Variants in PARP14 observed in about 807,000 individuals in gnomAD.
PARP14 encodes the protein poly(ADP-ribose) polymerase family member 14.
PARP14 carries 59 observed loss-of-function variants against 154.2 expected under a neutral mutation model. The ratio of observed to expected loss-of-function variants is 0.38; its 90% CI spans 0.31 to 0.48. The LOEUF (loss-of-function observed/expected upper bound fraction) is 0.48. PARP14 is among the 20% of genes least tolerant of loss of function. The pLI is 0.98. For missense variants in PARP14, 1,734 were observed against 2,131.6 expected (o/e 0.81, Z 3.67); for synonymous variants, 720 against 780.5 (o/e 0.92, Z 1.29).
rs377536937 is a variant in PARP14, at chr3:122,714,350, C to G, written c.3921C>G (p.Val1307=). ...NIIHVIGGND[V]KSSVSSVLQE... Reference sequence around the variant, plus strand: ...TTCATGTAATTGGTGGAAATGATGTCAAGAGTTCAGTTTCCTCTGTTTTGC... The same window carrying G: ...TTCATGTAATTGGTGGAAATGATGTGAAGAGTTCAGTTTCCTCTGTTTTGC... The change falls in exon 12 of 17, where the codon GTC becomes GTG. Residue 1307 remains valine, a synonymous_variant. Coordinates refer to ENST00000474629, the MANE Select transcript of PARP14 (RefSeq NM_017554.3). 29 of 1,585,974 alleles carry G rather than the reference C, an allele frequency of 1.8e-5. No individual in the cohort carries two copies. Among genetic ancestry groups the G allele is most frequent in the Non-Finnish European group, 2.4e-5 (28 of 1,171,370 alleles).
At chr3:122,695,842 A>G (rs1938755110) in intron 5 of PARP14, among the ~76,000 whole-genome samples, 180 bp downstream of exon 5, 1 of 152,224 alleles carries the variant, frequency 6.6e-6, no homozygotes, top group Non-Finnish European at 1.5e-5. Flanking sequence ...TTCAGACTTT[A>G]GAGAAGCAAA....
chr3:122,683,117 A>G (rs1406622495), intron 1 of PARP14, among the ~76,000 whole-genome samples: 1 of 152,166 alleles, frequency 6.6e-6, no homozygotes. Context: ...GAAACCTAGT[A>G]TGGTCTAAGT....
chr3:122,704,054 C>T (rs10934612), intron 7 of PARP14, 76 bp downstream of exon 7: 32,236 of 930,792 alleles, frequency 0.035, 941 homozygotes, highest in Admixed American at 0.12. Context: ...ATTAATTGGA[C>T]ATAGATTGGG....
chr3:122,708,842 C>T (rs1939238290), intron 9 of PARP14, among the ~76,000 whole-genome samples: 1 of 152,076 alleles, frequency 6.6e-6, no homozygotes, highest in South Asian at 2.1e-4. Flanking sequence ...TCCCACTCAT[C>T]TTTTTTCTCT....
rs1229174044 is a variant in PARP14 at position 122,699,941 on chromosome 3, G to A, written c.1387G>A (p.Glu463Lys). The change falls in exon 6 of 17, where the codon GAA becomes AAA. Residue 463 changes from glutamate to lysine, a missense_variant. By Grantham distance (56) the Glu-to-Lys change is moderately conservative. Coordinates refer to ENST00000474629, the MANE Select transcript of PARP14 (RefSeq NM_017554.3). ...AAGCACTACTCAAAAAATTAAAAGG[G>A]AAGAGCAAAGTTTGAAGGAAAAAAT... ...IESTTQKIKR[E>K]EQSLKEKMII... 2 of 1,613,802 alleles carry A rather than the reference G, an allele frequency of 1.2e-6. No homozygotes were observed. Among genetic ancestry groups the A allele is most frequent in the East Asian group, 2.2e-5 (1 of 44,886 alleles).
chr3:122,704,795 G>A (rs1939099783), intron 8 of PARP14, 47 bp downstream of exon 8: 1 of 1,057,636 alleles, frequency 9.5e-7, no homozygotes, highest in Non-Finnish European at 1.4e-6. Context: ...GAGACCTAGT[G>A]TTTTTTCAAA....
At chr3:122,695,044 A>T (rs984595999) in intron 4 of PARP14, among the ~76,000 whole-genome samples, 7 of 152,230 alleles carry the variant, frequency 4.6e-5, no homozygotes, top group Non-Finnish European at 8.8e-5. Flanking sequence ...GTTTCGAGTC[A>T]CATCACCAAG....
In PARP14 at chr3:122,701,349, G is replaced by A. The variant is rs377067966; in HGVS notation, c.2795G>A (p.Arg932Gln). ...GGAGTCTTTGGCTTTCCCTTAGGCC[G>A]ATGCGTGGAGACCATTGTTTCTGCC... ...SSGVFGFPLG[R>Q]CVETIVSAIK... is the part of the protein sequence containing the mutation. The change falls in exon 6 of 17, where the codon CGA becomes CAA. Residue 932 changes from arginine to glutamine, a missense_variant. Arg to Gln is a conservative substitution (Grantham distance 43). Transcript: ENST00000474629. The surrounding 1 kb of genome is among the most constrained non-coding windows in gnomAD (Gnocchi z 4.0). The A allele has an allele frequency of 1.9e-5, 30 of 1,613,902 alleles. No homozygotes were observed. In the Middle Eastern group the frequency reaches 4.9e-4, roughly 27 times the overall value.
chr3:122,700,923 A>G lies in PARP14; in HGVS notation c.2369A>G (p.Gln790Arg), dbSNP rs750739249. Reference sequence around the variant, plus strand: ...AAGGAGGGAGGCAGCCCCGCTGGGCAGAAGTGCTTCTCTCGGACAGTCTTG... The same window carrying G: ...AAGGAGGGAGGCAGCCCCGCTGGGCGGAAGTGCTTCTCTCGGACAGTCTTG... ...VMKEGGSPAG[Q>R]KCFSRTVLAP... Residue 790 changes from glutamine (Q) to arginine (R), a missense_variant, in exon 6 of 17, where the codon CAG becomes CGG. This residue lies in a region of PARP14 where 1,646 missense variants were observed against 1,976.0 expected (regional missense o/e 0.83). Transcript: ENST00000474629. 1.9e-6 allele frequency: 3 copies of G among 1,613,848 alleles called. No individual in the cohort carries two copies. Among genetic ancestry groups the G allele is most frequent in the South Asian group, 1.1e-5 (1 of 91,072 alleles).
At chr3:122,685,755 A>G (rs1239304766) in intron 2 of PARP14, among the ~76,000 whole-genome samples, 1 of 151,904 alleles carries the variant, frequency 6.6e-6, no homozygotes, top group Non-Finnish European at 1.5e-5. Context: ...TGATCGGCCC[A>G]CCTAGGCCTC....
intron 3 of PARP14, among the ~76,000 whole-genome samples, chr3:122,691,725 C>G (rs1258584065): frequency 6.6e-6 from 1 of 152,016 alleles, no homozygotes; most frequent in African/African-American, 2.4e-5. Context: ...TTTTGAGAAG[C>G]TTTGTTGAAT....
In PARP14 at chr3:122,695,638, CTGAT is replaced by C; in HGVS notation, c.815_818del (p.Ile272AsnfsTer8). ...ATATTTTCCTGAAGAGAGTTCAGCT[CTGAT>C]TGAATTTTTTGACAGAAAAGGTAAT... On this transcript the variant is annotated frameshift_variant, in exon 5 of 17. Coordinates refer to ENST00000474629, the MANE Select transcript of PARP14 (RefSeq NM_017554.3). LOFTEE classifies it high-confidence loss of function. The C allele has an allele frequency of 6.3e-7, 1 of 1,585,672 alleles. No individual in the cohort carries two copies. Among genetic ancestry groups the C allele is most frequent in the Non-Finnish European group, 8.7e-7 (1 of 1,155,546 alleles).
At chr3:122,723,823 T>C (rs765028879) in intron 15 of PARP14, among the ~76,000 whole-genome samples, 1 of 152,222 alleles carries the variant, frequency 6.6e-6, no homozygotes, top group Non-Finnish European at 1.5e-5. Context: ...TCACTTCCAT[T>C]GATGATCCTT....
At chr3:122,727,155 C>A (rs552155217) in intron 15 of PARP14, among the ~76,000 whole-genome samples, 1 of 152,200 alleles carries the variant, frequency 6.6e-6, no homozygotes, top group South Asian at 2.1e-4. Flanking sequence ...CCTCGGTCTT[C>A]CCAGGACAGC....
intron 4 of PARP14, 63 bp downstream of exon 4, chr3:122,692,606 C>G: frequency 7.2e-7 from 1 of 1,387,930 alleles, no homozygotes; most frequent in Admixed American, 2.1e-5. Context: ...ACTTGAGATA[C>G]CTCTTAGGGG....
chr3:122,720,111 A>G (rs1377398877), intron 14 of PARP14, 144 bp from the exon 15 acceptor site: 2 of 785,104 alleles, frequency 2.5e-6, no homozygotes, highest in African/African-American at 3.5e-5. Flanking sequence ...TCTGTTGTTC[A>G]TGCTTTGAAA....
Position 122,680,870 on chromosome 3 carries a change from G to A in PARP14, c.-14G>A. On this transcript the variant is annotated 5_prime_UTR_variant, in exon 1 of 17. Transcript: ENST00000474629. ...GGCGCGGCCCCTGCAGTCCGGCGGA[G>A]AGCGGAGCTGAGGATGGCTGTGCCC... 1.3e-6 allele frequency: 2 copies of A among 1,589,298 alleles called. No homozygotes were observed. Among genetic ancestry groups the A allele is most frequent in the South Asian group, 1.1e-5 (1 of 88,006 alleles).
chr3:122,708,228 T>C lies in PARP14; in HGVS notation c.3579T>C (p.Asn1193=). 1 of 1,576,104 alleles carries C rather than the reference T, an allele frequency of 6.3e-7. No homozygotes were observed. The highest frequency in any genetic ancestry group is 8.6e-7 in the Non-Finnish European group (1 of 1,158,564). ...AATTTGCCAGAAGGGCTAATGGAAATCTCGTCAGTGACAAAATTCCGAAGG... is the reference window on the plus strand; with the variant it reads ...AATTTGCCAGAAGGGCTAATGGAAACCTCGTCAGTGACAAAATTCCGAAGG... ...SDEFARRANG[N]LVSDKIPKAK... Residue 1193 remains asparagine, a synonymous_variant, in exon 9 of 17, where the codon AAT becomes AAC. Transcript: ENST00000474629.
intron 8 of PARP14, among the ~76,000 whole-genome samples, chr3:122,706,364 A>G (rs1560069038): frequency 6.6e-6 from 1 of 152,236 alleles, no homozygotes; most frequent in African/African-American, 2.4e-5. Context: ...GGAGACTGTC[A>G]CAGAGGATGC....
Sources: gnomAD v4.1 joint callset for allele counts (sites outside exome capture counted in the v4.1 genomes callset) on GRCh38, gnomAD v4.1.1 for gene constraint, gnomAD v4.1.1 regional missense constraint, Gnocchi (gnomAD v3.1) non-coding constraint, MANE v1.5 for transcripts, NCBI Gene and HGNC (gene_info 2026-07-23, HGNC 2026-07-21) for gene names.